Variants in RAPGEF4 observed in about 807,000 individuals in gnomAD.
RAPGEF4 encodes RAP guanine-nucleotide-exchange factor (GEF) 4.
In RAPGEF4, 66 loss-of-function variants were observed where a neutral mutation model predicts 147.9. The observed-to-expected ratio is 0.45, with a 90% CI of 0.37 to 0.55. RAPGEF4 has a LOEUF of 0.55. Among genes scored for constraint, RAPGEF4 ranks in the 20% least tolerant of loss-of-function variants. The pLI, the probability that RAPGEF4 is intolerant of heterozygous loss-of-function variation, is 0.00. For missense variants in RAPGEF4, 1,071 were observed against 1,257.3 expected (o/e 0.85, Z 2.24); for synonymous variants, 419 against 442.7 (o/e 0.95, Z 0.67).
chr2:172,797,519 T>C lies in RAPGEF4; in HGVS notation c.209-6T>C, dbSNP rs527606149. ...TTATATTTATATCACAATTTTTTTT[T>C]CCCAGTATTTCGCCAGGGTGATATT... On this transcript the variant is annotated splice_polypyrimidine_tract_variant and splice_region_variant and intron_variant, in intron 2 of 30. Transcript: ENST00000397081. The C allele has an allele frequency of 6.0e-5, 97 of 1,609,502 alleles. No homozygotes were observed. The highest frequency in any genetic ancestry group is 5.3e-4 in the South Asian group (48 of 90,264).
At chr2:172,915,718 A>AAAG (rs1683998369) in intron 4 of RAPGEF4, among the ~76,000 whole-genome samples, 1 of 151,722 alleles carries the variant, frequency 6.6e-6, no homozygotes, top group South Asian at 2.1e-4. Context: ...AAAAAAAAAA[A>AAAG]AAGATATCTG....
rs540363322 is a variant in RAPGEF4 at position 172,828,912 on chromosome 2, C to A, written c.444+14487C>A. ...CTGTGAAGGAAAGGCTGCAAGGAGG[C>A]TGAGTTTCCTCCTGAGGAGATGACG... On this transcript the variant is annotated intron_variant, in intron 4 of 30. Transcript: ENST00000397081. Among the ~76,000 whole-genome samples the A allele has an allele frequency of 2.6e-5, 4 of 152,314 alleles. No homozygotes were observed. The South Asian group carries it at 6.2e-4, about 24-fold the overall frequency.
At chr2:172,941,351 G>A (rs759357100) in intron 6 of RAPGEF4, among the ~76,000 whole-genome samples, 1 of 152,118 alleles carries the variant, frequency 6.6e-6, no homozygotes, top group Non-Finnish European at 1.5e-5. Flanking sequence ...TGGCAAAATA[G>A]TCCTTAATTC....
At chr2:172,834,285 A>C (rs936660231) in intron 4 of RAPGEF4, among the ~76,000 whole-genome samples, 2 of 152,242 alleles carry the variant, frequency 1.3e-5, no homozygotes, top group East Asian at 1.9e-4. Context: ...TTATCATCCC[A>C]GTGCTCAATG....
intron 6 of RAPGEF4, among the ~76,000 whole-genome samples, chr2:172,951,793 G>A (rs1575350235): frequency 6.6e-6 from 1 of 152,116 alleles, no homozygotes; most frequent in Non-Finnish European, 1.5e-5. Flanking sequence ...CACTGGGAGT[G>A]GGAAGAGAAG....
chr2:172,798,115 C>A (rs1686572439), intron 3 of RAPGEF4, among the ~76,000 whole-genome samples: 1 of 152,030 alleles, frequency 6.6e-6, no homozygotes, highest in African/African-American at 2.4e-5. Flanking sequence ...CTTGTCTTTT[C>A]AAATGTGGAA....
At chr2:172,962,428 G>C (rs1302135166) in intron 8 of RAPGEF4, among the ~76,000 whole-genome samples, 1 of 152,050 alleles carries the variant, frequency 6.6e-6, no homozygotes, top group Non-Finnish European at 1.5e-5. Flanking sequence ...CAAAGGTTCT[G>C]GTTCAGGAAT....
At chr2:172,903,252 C>A (rs2553013) in intron 4 of RAPGEF4, among the ~76,000 whole-genome samples, 3 of 151,510 alleles carry the variant, frequency 2.0e-5, no homozygotes, top group Non-Finnish European at 4.4e-5. Context: ...ACCTGTAGTC[C>A]CAGCTACTCA....
chr2:172,998,336 C>T (rs987993591), intron 16 of RAPGEF4, among the ~76,000 whole-genome samples: 14 of 152,086 alleles, frequency 9.2e-5, no homozygotes, highest in East Asian at 5.8e-4. Flanking sequence ...AGTGAGTGGT[C>T]GGATTTTTAC....
intron 8 of RAPGEF4, among the ~76,000 whole-genome samples, chr2:172,964,610 G>T (rs1230752170): frequency 6.6e-6 from 1 of 152,060 alleles, no homozygotes; most frequent in Non-Finnish European, 1.5e-5. Flanking sequence ...CCCAGAGGTG[G>T]TGCTGTGCTT....
intron 4 of RAPGEF4, among the ~76,000 whole-genome samples, chr2:172,819,610 C>A (rs567313650): frequency 8.1e-4 from 122 of 149,880 alleles, no homozygotes; most frequent in Non-Finnish European, 1.2e-3. Flanking sequence ...GGACTACAGG[C>A]GCCCGCCACT....
At chr2:173,025,738 A>G (rs1696599560) in intron 23 of RAPGEF4, among the ~76,000 whole-genome samples, 1 of 152,192 alleles carries the variant, frequency 6.6e-6, no homozygotes, top group African/African-American at 2.4e-5. Flanking sequence ...CCACTGTGCC[A>G]GCCACTTTTG....
intron 4 of RAPGEF4, among the ~76,000 whole-genome samples, chr2:172,866,812 T>C (rs1167295140): frequency 1.3e-5 from 2 of 152,148 alleles, no homozygotes; most frequent in Non-Finnish European, 2.9e-5. Context: ...TTGATCTCCT[T>C]TGGGGCTGAA....
chr2:172,961,328 ATTTTGT>A, intron 8 of RAPGEF4, 100 bp downstream of exon 8: 16 of 907,470 alleles, frequency 1.8e-5, no homozygotes, highest in Non-Finnish European at 2.6e-5. Context: ...GGCGCAGCCC[ATTTTGT>A]AATGCCTTCA....
chr2:172,989,071 C>T (rs747159114), intron 14 of RAPGEF4, among the ~76,000 whole-genome samples: 9 of 152,226 alleles, frequency 5.9e-5, no homozygotes, highest in Non-Finnish European at 1.2e-4. Flanking sequence ...GACCCAGTCC[C>T]TCTATGCATC....
intron 1 of RAPGEF4, among the ~76,000 whole-genome samples, chr2:172,745,438 T>C (rs552672274): frequency 6.6e-6 from 1 of 152,252 alleles, no homozygotes; most frequent in East Asian, 1.9e-4. Flanking sequence ...GTATCCCATA[T>C]TGGTAATTTG....
chr2:172,938,847 C>T (rs938478240), intron 6 of RAPGEF4, among the ~76,000 whole-genome samples: 4 of 152,258 alleles, frequency 2.6e-5, no homozygotes, highest in Admixed American at 1.3e-4. Context: ...AATCTTCTTC[C>T]GTGTCTGAAG....
intron 1 of RAPGEF4, among the ~76,000 whole-genome samples, chr2:172,754,819 G>C (rs1399055152): frequency 6.6e-6 from 1 of 152,200 alleles, no homozygotes. Context: ...GAGGCGGGCG[G>C]ATCACGAGGT....
chr2:172,777,102 T>C (rs1442993492), intron 1 of RAPGEF4, among the ~76,000 whole-genome samples: 1 of 152,198 alleles, frequency 6.6e-6, no homozygotes, highest in Non-Finnish European at 1.5e-5. Flanking sequence ...TCCTGGCCAA[T>C]CAGCTTGATT....
Sources: gnomAD v4.1 joint callset for allele counts (sites outside exome capture counted in the v4.1 genomes callset) on GRCh38, gnomAD v4.1.1 for gene constraint, MANE v1.5 for transcripts, NCBI Gene and HGNC (gene_info 2026-07-23, HGNC 2026-07-21) for gene names.